The following GABRB3 variants were observed in gnomAD, a reference collection of about 807,000 sequenced individuals.
GABRB3 encodes the protein gamma-aminobutyric acid type A receptor subunit beta3, also known as gamma-aminobutyric acid receptor subunit beta-3.
A neutral mutation model predicts 52.1 loss-of-function variants in GABRB3; 14 were observed. The observed-to-expected ratio is 0.27, with a 90% CI of 0.18 to 0.42. The LOEUF (loss-of-function observed/expected upper bound fraction) is 0.42, where lower values mean the gene tolerates loss of function less well. Among genes scored for constraint, GABRB3 ranks in the 10% least tolerant of loss-of-function variants. The probability of loss-of-function intolerance (pLI) is 1.00; values close to 1 mark genes in which losing one functional copy is unlikely to be tolerated. For synonymous variants in GABRB3, 260 were observed against 232.3 expected (o/e 1.12, Z -1.08); for missense variants, 307 against 609.1 (o/e 0.50, Z 5.22).
intron 3 of GABRB3, among the ~76,000 whole-genome samples, chr15:26,659,242 G>T (rs1451755674): frequency 6.6e-6 from 1 of 152,228 alleles, no homozygotes; most frequent in African/African-American, 2.4e-5. Flanking sequence ...ACAAGTTAAG[G>T]CTGGGCGCAG....
chr15:26,584,649 C>G (rs559594257), intron 4 of GABRB3, among the ~76,000 whole-genome samples: 1 of 152,256 alleles, frequency 6.6e-6, no homozygotes, highest in Non-Finnish European at 1.5e-5. Context: ...TAAGCCAACC[C>G]TACACTGAGA....
intron 3 of GABRB3, among the ~76,000 whole-genome samples, chr15:26,637,443 G>A (rs1207402689): frequency 1.3e-5 from 2 of 152,080 alleles, no homozygotes; most frequent in Non-Finnish European, 2.9e-5. Flanking sequence ...AACATCAGCT[G>A]CATGAGTGCA....
chr15:26,661,452 AC>A (rs2140611944), intron 3 of GABRB3, among the ~76,000 whole-genome samples: 1 of 152,224 alleles, frequency 6.6e-6, no homozygotes, highest in Non-Finnish European at 1.5e-5. Context: ...AATTCTGAGC[AC>A]CTGTATGCAA....
intron 3 of GABRB3, among the ~76,000 whole-genome samples, chr15:26,743,425 A>G (rs1053739557): frequency 6.6e-6 from 1 of 152,174 alleles, no homozygotes; most frequent in African/African-American, 2.4e-5. Flanking sequence ...TGAGTGTTCT[A>G]CTGTGACTGA....
At chr15:26,601,225 C>T (rs574748694) in intron 4 of GABRB3, among the ~76,000 whole-genome samples, 1 of 152,184 alleles carries the variant, frequency 6.6e-6, no homozygotes, top group South Asian at 2.1e-4. Flanking sequence ...AGTTTGAAAC[C>T]AGCCCGGCCA....
intron 3 of GABRB3, chr15:26,624,169 A>G (rs1892593242): frequency 1.0e-6 from 1 of 982,736 alleles, no homozygotes; most frequent in African/African-American, 1.7e-5. Context: ...ATGAGAATGC[A>G]CCTTCACAGG....
At chr15:26,716,781 A>ACCACAGCCCAGCTC (rs1889483053) in intron 3 of GABRB3, 2 of 1,148,774 alleles carry the variant, frequency 1.7e-6, no homozygotes, top group Non-Finnish European at 1.1e-6. Context: ...CCTCCACCAA[A>ACCACAGCCCAGCTC]TGACAGCCCA....
chr15:26,615,640 T>A, intron 4 of GABRB3: 1 of 643,944 alleles, frequency 1.6e-6, no homozygotes. Flanking sequence ...CGTACAAACC[T>A]ACGTCACGGA....
intron 3 of GABRB3, among the ~76,000 whole-genome samples, chr15:26,684,609 C>G (rs555134510): frequency 1.3e-5 from 2 of 152,272 alleles, no homozygotes; most frequent in East Asian, 3.9e-4. Flanking sequence ...GCAACTCCTC[C>G]TTGCACTTGA....
chr15:26,621,581 G>T lies in GABRB3; in HGVS notation c.241-47C>A. 6.6e-7 allele frequency: 1 copy of T among 1,507,630 alleles called. No individual in the cohort carries two copies. Among genetic ancestry groups the T allele is most frequent in the Non-Finnish European group, 9.2e-7 (1 of 1,089,240 alleles). The allele number at this position is 1,507,630 out of a possible 1,614,324, so 93.4% of individuals were successfully genotyped here. ...GAAAGTTAGTTTGTACCCAGCCACA[G>T]GTGTATTTCCTCCACGACCAGCCAA... On this transcript the variant is annotated intron_variant, in intron 3 of 8. Coordinates refer to ENST00000311550, the MANE Select transcript of GABRB3 (RefSeq NM_000814.6). The surrounding 1 kb of genome is among the most constrained non-coding windows in gnomAD (Gnocchi z 4.1).
At chr15:26,699,640 T>C (rs1888862574) in intron 3 of GABRB3, among the ~76,000 whole-genome samples, 1 of 151,912 alleles carries the variant, frequency 6.6e-6, no homozygotes, top group Non-Finnish European at 1.5e-5. Context: ...AGAAATAAAA[T>C]CAATAATATT....
chr15:26,714,513 T>C (rs1889405965), intron 3 of GABRB3, among the ~76,000 whole-genome samples: 3 of 152,124 alleles, frequency 2.0e-5, no homozygotes, highest in Admixed American at 2.0e-4. Context: ...GCCGAACAAC[T>C]CAAAGCAAAG....
At chr15:26,752,221 T>A (rs1890529080) in intron 3 of GABRB3, among the ~76,000 whole-genome samples, 1 of 149,574 alleles carries the variant, frequency 6.7e-6, no homozygotes. Context: ...GATCGCTTGC[T>A]CTCTTTATTT....
At chr15:26,673,117 C>T (rs1389497762) in intron 3 of GABRB3, among the ~76,000 whole-genome samples, 4 of 152,120 alleles carry the variant, frequency 2.6e-5, no homozygotes, top group Non-Finnish European at 5.9e-5. Flanking sequence ...CCAAACAAGC[C>T]GGGCACAGAA....
intron 4 of GABRB3, chr15:26,612,382 T>C (rs976502172): frequency 6.6e-6 from 1 of 152,120 alleles, no homozygotes; most frequent in Non-Finnish European, 1.5e-5. Flanking sequence ...TCAGACTGAC[T>C]AGATATAATT....
At chr15:26,568,683 G>GTTTTTTTTTTT (rs1890277485) in intron 6 of GABRB3, among the ~76,000 whole-genome samples, 1 of 66,348 alleles carries the variant, frequency 1.5e-5, no homozygotes, top group Non-Finnish European at 3.7e-5. Flanking sequence ...TTTTTTTTTT[G>GTTTTTTTTTTT]GTTTTGTATG....
At chr15:26,664,704 GT>G (rs1162139952) in intron 3 of GABRB3, among the ~76,000 whole-genome samples, 26,547 of 94,500 alleles carry the variant, frequency 0.28, 2,067 homozygotes, top group East Asian at 0.63. Context: ...TCTTTTCTTT[GT>G]TTTTTTTTTT....
At chr15:26,565,869 T>C (rs8042132) in intron 7 of GABRB3, among the ~76,000 whole-genome samples, 11,990 of 152,172 alleles carry the variant, frequency 0.079, 1,615 homozygotes, top group African/African-American at 0.28. Flanking sequence ...ACGCCTCTTC[T>C]AGGCTTGGGG....
intron 3 of GABRB3, among the ~76,000 whole-genome samples, chr15:26,761,484 C>T (rs566232496): frequency 5.0e-4 from 72 of 142,844 alleles, no homozygotes; most frequent in Non-Finnish European, 8.8e-4. Context: ...TAGAATCTTT[C>T]ATCCAAACAG....
Sources: gnomAD v4.1 joint callset for allele counts (sites outside exome capture counted in the v4.1 genomes callset) on GRCh38, gnomAD v4.1.1 for gene constraint, Gnocchi (gnomAD v3.1) non-coding constraint, MANE v1.5 for transcripts, NCBI Gene and HGNC (gene_info 2026-07-23, HGNC 2026-07-21) for gene names.